Variants in MACF1 observed in about 807,000 individuals in gnomAD.
The protein encoded by MACF1 is microtubule-actin cross-linking factor 1.
Under a neutral mutation model 854.8 loss-of-function variants are expected in MACF1, and 193 were observed. The observed-to-expected ratio is 0.23, with a 90% confidence interval of 0.20 to 0.25. MACF1 has a LOEUF of 0.25. Ranked by LOEUF, MACF1 falls within the 10% of genes least tolerant of loss-of-function variation. The pLI is 1.00. For missense variants in MACF1, 7,722 were observed against 8,929.1 expected (o/e 0.86, Z 5.45); for synonymous variants, 3,185 against 3,226.7 (o/e 0.99, Z 0.44).
At chr1:39,305,121 C>T (rs1646142034) in intron 23 of MACF1, among the ~76,000 whole-genome samples, 1 of 151,190 alleles carries the variant, frequency 6.6e-6, no homozygotes, top group Non-Finnish European at 1.5e-5. Context: ...ATTAGCCTGG[C>T]GTGGTGGTGC....
At chr1:39,427,329 G>A (rs1643759872) in intron 61 of MACF1, 126 bp from the exon 62 acceptor site, 2 of 724,476 alleles carry the variant, frequency 2.8e-6, no homozygotes, top group South Asian at 2.1e-5. Context: ...TACATAACGT[G>A]TGTTCTGTTT....
intron 58 of MACF1, among the ~76,000 whole-genome samples, chr1:39,419,152 C>G (rs562658201): frequency 6.6e-6 from 1 of 152,146 alleles, no homozygotes; most frequent in Non-Finnish European, 1.5e-5. Context: ...TTCAAATGTA[C>G]GTTCTTTAAC....
At chr1:39,145,364 C>A (rs1054569228) in intron 2 of MACF1, among the ~76,000 whole-genome samples, 1 of 152,200 alleles carries the variant, frequency 6.6e-6, no homozygotes, top group Admixed American at 6.5e-5. Context: ...CACATTCCCT[C>A]CTATTTCAGA....
chr1:39,227,367 C>T (rs898644189), intron 1 of MACF1, among the ~76,000 whole-genome samples: 2 of 152,124 alleles, frequency 1.3e-5, no homozygotes, highest in Non-Finnish European at 2.9e-5. Flanking sequence ...CTATGTAGAA[C>T]TTTAGGTGTT....
chr1:39,418,311 T>C (rs1643404623), intron 58 of MACF1, among the ~76,000 whole-genome samples: 1 of 152,156 alleles, frequency 6.6e-6, no homozygotes, highest in Admixed American at 6.5e-5. Context: ...TTTTTTTGCA[T>C]GGAGATATTA....
chr1:39,159,965 A>G (rs1643763771), intron 2 of MACF1, among the ~76,000 whole-genome samples: 1 of 152,096 alleles, frequency 6.6e-6, no homozygotes, highest in African/African-American at 2.4e-5. Flanking sequence ...TTCTTTCACT[A>G]TCTGTTGAAG....
intron 2 of MACF1, among the ~76,000 whole-genome samples, chr1:39,144,361 G>C (rs976755353): frequency 9.9e-5 from 15 of 152,196 alleles, no homozygotes; most frequent in African/African-American, 3.6e-4. Flanking sequence ...GATTATAGGG[G>C]TAAGCCACCG....
At chr1:39,390,513 C>T (rs1160931779) in intron 58 of MACF1, among the ~76,000 whole-genome samples, 2 of 152,164 alleles carry the variant, frequency 1.3e-5, no homozygotes, top group Admixed American at 6.5e-5. Flanking sequence ...GAGGAGTCAT[C>T]GTATTTGGGT....
chr1:39,187,516 A>T (rs575611554), intron 2 of MACF1, among the ~76,000 whole-genome samples: 4 of 152,114 alleles, frequency 2.6e-5, no homozygotes, highest in Admixed American at 1.3e-4. Flanking sequence ...CATGTTTCCC[A>T]GAGCTGATGT....
intron 2 of MACF1, among the ~76,000 whole-genome samples, chr1:39,196,405 A>G (rs903916448): frequency 2.0e-5 from 3 of 152,146 alleles, no homozygotes; most frequent in African/African-American, 7.2e-5. Flanking sequence ...AGAGTCATGG[A>G]TGTCTCCTAA....
rs58188740 is a variant in MACF1, at chr1:39,289,693, C to CTTTTTTTTTTTTTT, written c.1785+2150_1785+2163dup. Among the ~76,000 whole-genome samples, 133 of 28,966 alleles carry CTTTTTTTTTTTTTT rather than the reference C, an allele frequency of 4.6e-3. 53 individuals carry two copies. The highest frequency in any genetic ancestry group is 5.7e-3 in the Non-Finnish European group (95 of 16,774). The allele number at this position is 28,966 out of a possible 152,430, so 19.0% of individuals were successfully genotyped here. On this transcript the variant is annotated intron_variant, in intron 15 of 100. Transcript: ENST00000564288. Reference sequence around the variant, plus strand: ...ATTTTCTCCCATTCTGTGGGTTGTCCTTTTTTTTTTTTTTTTTTTTTTTTT... The same window carrying CTTTTTTTTTTTTTT: ...ATTTTCTCCCATTCTGTGGGTTGTCCTTTTTTTTTTTTTTTTTTTTTTTTTTTTTTTTTTTTTTT...
chr1:39,245,468 A>G (rs964179748), intron 2 of MACF1, among the ~76,000 whole-genome samples: 22 of 152,050 alleles, frequency 1.4e-4, no homozygotes, highest in African/African-American at 5.1e-4. Context: ...TAGTGGAGAC[A>G]GGGTTTTGTC....
At chr1:39,310,194 A>G in intron 24 of MACF1, 51 bp from the exon 25 acceptor site, 1 of 1,420,226 alleles carries the variant, frequency 7.0e-7, no homozygotes, top group Non-Finnish European at 9.7e-7. Flanking sequence ...GGAAAAGAGG[A>G]AGTGTTACAT....
intron 2 of MACF1, among the ~76,000 whole-genome samples, chr1:39,185,750 C>A (rs1644160643): frequency 6.6e-6 from 1 of 152,150 alleles, no homozygotes; most frequent in Non-Finnish European, 1.5e-5. Context: ...AGATAACTTA[C>A]TTCTTAGAGA....
At chr1:39,218,420 A>G (rs1476360301) in intron 1 of MACF1, among the ~76,000 whole-genome samples, 1 of 152,200 alleles carries the variant, frequency 6.6e-6, no homozygotes, top group Non-Finnish European at 1.5e-5. Flanking sequence ...AGGAAATCCA[A>G]GTTATAGACC....
At chr1:39,346,321 C>T (rs1233323262) in intron 40 of MACF1, among the ~76,000 whole-genome samples, 4 of 151,850 alleles carry the variant, frequency 2.6e-5, no homozygotes. Flanking sequence ...GAGATGGCGC[C>T]CCTGTACTCC....
At position 39,385,488 on chromosome 1, in the gene MACF1, G is replaced by A. The variant is rs757612362; in HGVS notation, c.13903G>A (p.Ala4635Thr). The change falls in exon 57 of 101, where the codon GCA (alanine) becomes ACA (threonine). Residue 4635 changes from alanine to threonine, a missense_variant. By Grantham distance (58) the Ala-to-Thr change is moderately conservative (BLOSUM62 0). This residue lies in a region of MACF1 where 2,807 missense variants were observed against 3,235.8 expected (regional missense o/e 0.87). Coordinates refer to ENST00000564288, the MANE Select transcript of MACF1 (RefSeq NM_001394062.1). ...GCAACAGCATGAGCAACTGAATGAG[G>A]CAGCTCAGGGCATCCTAACAGGCCC... is the stretch of plus-strand genomic sequence containing the variant. Reference protein sequence around the residue: ...RRQQHEQLNEAAQGILTGPGD... With the variant: ...RRQQHEQLNETAQGILTGPGD... 3 of 1,614,162 alleles carry A rather than the reference G, an allele frequency of 1.9e-6. No homozygotes were observed. In the Admixed American group the frequency reaches 5.0e-5, roughly 27 times the overall value.
At chr1:39,401,779 T>A (rs1215882393) in intron 58 of MACF1, among the ~76,000 whole-genome samples, 2 of 152,266 alleles carry the variant, frequency 1.3e-5, no homozygotes, top group African/African-American at 2.4e-5. Context: ...CTGGTTTTGG[T>A]CTAATTCTTT....
upstream of MACF1, among the ~76,000 whole-genome samples, chr1:39,201,955 C>CTTTT (rs748333630): frequency 6.5e-4 from 34 of 52,350 alleles, no homozygotes; most frequent in Admixed American, 1.1e-3. Flanking sequence ...TGCTCATATT[C>CTTTT]TTTTTTTTTT....
Sources: gnomAD v4.1 joint callset for allele counts (sites outside exome capture counted in the v4.1 genomes callset) on GRCh38, gnomAD v4.1.1 for gene constraint, gnomAD v4.1.1 regional missense constraint, MANE v1.5 for transcripts, NCBI Gene and HGNC (gene_info 2026-07-23, HGNC 2026-07-21) for gene names.